The following NPIPB11 variants were observed in gnomAD, a reference collection of about 807,000 sequenced individuals.
NPIPB11 encodes the protein nuclear pore complex-interacting protein family member B11.
A neutral mutation model predicts 32.8 loss-of-function variants in NPIPB11; 17 were observed. The observed-to-expected ratio is 0.52, with a 90% CI of 0.35 to 0.78. The LOEUF is 0.78. Among genes scored for constraint, NPIPB11 ranks in the 30% least tolerant of loss-of-function variants. The probability of loss-of-function intolerance (pLI) is 0.01; values close to 1 mark genes in which losing one functional copy is unlikely to be tolerated. For synonymous variants in NPIPB11, 209 were observed against 398.4 expected (o/e 0.52, Z 5.66); for missense variants, 537 against 1,000.4 (o/e 0.54, Z 6.25).
chr16:29,402,413 T>A (rs1438581563), intron 2 of NPIPB11, among the ~76,000 whole-genome samples: 1 of 108,988 alleles, frequency 9.2e-6, no homozygotes. Flanking sequence ...GTTAAAATAA[T>A]TTTATCTTGG....
In NPIPB11 at chr16:29,389,668, G is replaced by GAAAGAAAAA. The variant is rs1262451402; in HGVS notation, c.545+272_545+273insTTTTTCTTT. The stretch of plus-strand genomic sequence containing the variant: ...CAACAACAGCAAAGCTCCATCTCAG[G>GAAAGAAAAA]AAAAAAAAAAAAAAAAAAAAAAAAA... On this transcript the variant is annotated intron_variant, in intron 5 of 7. Coordinates refer to ENST00000524087, the Ensembl canonical transcript of NPIPB11. 2.9e-4 allele frequency among the ~76,000 whole-genome samples: 5 copies of GAAAGAAAAA among 17,290 alleles called. No homozygotes were observed. The Admixed American group carries it at 3.0e-3, about 10-fold the overall frequency. 11.3% of individuals were successfully genotyped at this position (17,290 alleles called of 152,430 possible).
chr16:29,381,393 TG>T (rs1963482323), exon 8 of NPIPB11: 2 of 558,844 alleles, frequency 3.6e-6, no homozygotes, highest in Non-Finnish European at 6.1e-6. Flanking sequence ...TTTTTTATTT[TG>T]TTCTACTCGG....
chr16:29,405,891 T>G (rs1964103074), upstream of NPIPB11, among the ~76,000 whole-genome samples: 1 of 152,374 alleles, frequency 6.6e-6, no homozygotes, highest in South Asian at 2.1e-4. Flanking sequence ...ACTCTTCCTG[T>G]GTCGATTCAA....
exon 8 of NPIPB11, chr16:29,382,143 G>T: frequency 1.9e-6 from 1 of 529,040 alleles, no homozygotes; most frequent in Non-Finnish European, 3.0e-6. Context: ...GGGTGGAAGC[G>T]GCCCCCGCAG....
At chr16:29,389,471 C>T (rs1337672018) in intron 5 of NPIPB11, among the ~76,000 whole-genome samples, 13 of 145,690 alleles carry the variant, frequency 8.9e-5, no homozygotes, top group Admixed American at 5.5e-4. Context: ...GTCAGAAGTT[C>T]GAGACCAGCC....
Position 29,402,653 on chromosome 16 carries a change from A to G in NPIPB11, c.120+1030T>C, listed in dbSNP as rs559924491. Among the ~76,000 whole-genome samples the G allele has an allele frequency of 6.1e-3, 894 of 145,682 alleles. 5 individuals are homozygous for G. The highest frequency in any genetic ancestry group is 0.01 in the Non-Finnish European group (698 of 67,142). ...GGGAGACGGAGGTTGCAGTGAGCCA[A>G]GATTGTGCCACTGCACTCCAGCCTG... On this transcript the variant is annotated intron_variant, in intron 2 of 7. Transcript: ENST00000524087.
chr16:29,393,294 C>T (rs554669433), intron 3 of NPIPB11, among the ~76,000 whole-genome samples: 66 of 151,680 alleles, frequency 4.4e-4, no homozygotes, highest in South Asian at 2.9e-3. Flanking sequence ...CTTCACCTTC[C>T]GGCAGTTTGT....
At chr16:29,393,632 CAGAAGAGTTT>C (rs1375027618) in intron 3 of NPIPB11, among the ~76,000 whole-genome samples, 2 of 150,318 alleles carry the variant, frequency 1.3e-5, no homozygotes, top group Admixed American at 1.3e-4. Context: ...AACTATAAAG[CAGAAGAGTTT>C]AGAAAGAATT....
chr16:29,400,757 C>T (rs909103941), intron 2 of NPIPB11, among the ~76,000 whole-genome samples: 2 of 152,094 alleles, frequency 1.3e-5, no homozygotes, highest in African/African-American at 4.8e-5. Context: ...TCTTCAGTGG[C>T]ATTGGGCCTA....
intron 2 of NPIPB11, among the ~76,000 whole-genome samples, chr16:29,396,669 G>T (rs1317893287): frequency 1.3e-5 from 2 of 151,632 alleles, no homozygotes; most frequent in Non-Finnish European, 2.9e-5. Flanking sequence ...GCTGAGGCAG[G>T]AGAATCGCTC....
At chr16:29,393,999 C>A in exon 3 of NPIPB11, 6 of 1,599,394 alleles carry the variant, frequency 3.8e-6, no homozygotes, top group Non-Finnish European at 5.1e-6. Flanking sequence ...TTGTCGGAAA[C>A]GCAATAATAA....
chr16:29,389,824 T>C lies in NPIPB11; in HGVS notation c.545+117A>G, dbSNP rs1004646399. 38 of 1,554,010 alleles carry C rather than the reference T, an allele frequency of 2.4e-5. 1 individual carries two copies. The Admixed American group carries it at 6.0e-4, about 25-fold the overall frequency. ...TGAAGCAGAAAGGACAAACTCAATT[T>C]TGAACCTACTGAATTTGCCACAAAT... is the stretch of plus-strand genomic sequence containing the variant. On this transcript the variant is annotated intron_variant, in intron 5 of 7. Transcript: ENST00000524087.
At chr16:29,391,016 C>G (rs1358646187) in intron 3 of NPIPB11, among the ~76,000 whole-genome samples, 1 of 150,964 alleles carries the variant, frequency 6.6e-6, no homozygotes, top group African/African-American at 2.4e-5. Context: ...TGCCTGTAAT[C>G]CCAACACTTT....
chr16:29,399,336 T>C (rs1456359220), intron 2 of NPIPB11, among the ~76,000 whole-genome samples: 7 of 149,668 alleles, frequency 4.7e-5, no homozygotes, highest in Non-Finnish European at 4.4e-5. Flanking sequence ...AAATATTCTA[T>C]TGATGCTACA....
chr16:29,397,678 G>A, intron 2 of NPIPB11: 2 of 1,127,426 alleles, frequency 1.8e-6, no homozygotes. Context: ...AGGCGTCCAG[G>A]ACAGAGGTGG....
chr16:29,401,518 A>G (rs1963990981), intron 2 of NPIPB11, among the ~76,000 whole-genome samples: 1 of 152,098 alleles, frequency 6.6e-6, no homozygotes, highest in Non-Finnish European at 1.5e-5. Context: ...GCGGTGACTT[A>G]GTCCTCCTGT....
At chr16:29,382,294 C>T (rs533305557) in exon 8 of NPIPB11, 109 of 1,597,784 alleles carry the variant, frequency 6.8e-5, no homozygotes, top group Admixed American at 3.4e-4. Context: ...TCCCCGCAGA[C>T]GCTCGGCAGG....
chr16:29,403,043 G>C (rs1964034776), intron 2 of NPIPB11, among the ~76,000 whole-genome samples: 1 of 148,882 alleles, frequency 6.7e-6, no homozygotes, highest in African/African-American at 2.5e-5. Context: ...TTTAGAAGCT[G>C]TTGATTTGAA....
chr16:29,401,017 G>A (rs1329492358), intron 2 of NPIPB11, among the ~76,000 whole-genome samples: 1 of 152,042 alleles, frequency 6.6e-6, no homozygotes, highest in Admixed American at 6.5e-5. Context: ...CTGTGTCCTG[G>A]TCATTGAATG....
Sources: gnomAD v4.1 joint callset for allele counts (sites outside exome capture counted in the v4.1 genomes callset) on GRCh38, gnomAD v4.1.1 for gene constraint, MANE v1.5 for transcripts, NCBI Gene and HGNC (gene_info 2026-07-23, HGNC 2026-07-21) for gene names.